The following PRPF8 variants were observed in gnomAD, a reference collection of about 807,000 sequenced individuals.
PRPF8 encodes the protein pre-mRNA processing factor 8.
PRPF8 carries 64 observed loss-of-function variants against 285.9 expected under a neutral mutation model. The observed-to-expected ratio is 0.22, with a 90% CI of 0.18 to 0.28. The LOEUF is 0.28. Among genes scored for constraint, PRPF8 ranks in the 10% least tolerant of loss-of-function variants. The pLI, the probability that PRPF8 is intolerant of heterozygous loss-of-function variation, is 1.00. For missense variants in PRPF8, 1,426 were observed against 3,026.7 expected (o/e 0.47, Z 12.41); for synonymous variants, 1,325 against 1,118.2 (o/e 1.18, Z -3.69).
Position 1,682,018 on chromosome 17 carries a change from C to T in PRPF8, c.455G>A (p.Arg152His). ...ATGCCTCCTATCTCTTTTTTCTCGG[C>T]GCATCATAATCCACATTGACCTGGA... ...SQWGSMWIMM[R>H]REKRDRRHFK... is the part of the protein sequence containing the mutation. The change falls in exon 5 of 43, where the codon CGC becomes CAC. Residue 152 changes from arginine (R) to histidine (H), a missense_variant. Arg to His is a conservative substitution (Grantham distance 29). Transcript: ENST00000304992. 6.2e-7 allele frequency: 1 copy of T among 1,613,922 alleles called. No individual in the cohort carries two copies. The highest frequency in any genetic ancestry group is 8.5e-7 in the Non-Finnish European group (1 of 1,179,996).
intron 14 of PRPF8, 100 bp downstream of exon 14, chr17:1,677,465 T>G: frequency 6.4e-7 from 1 of 1,555,400 alleles, no homozygotes; most frequent in Non-Finnish European, 8.9e-7. Flanking sequence ...GGCAATCCAG[T>G]AGGAAGAGTG....
At chr17:1,666,742 T>C (rs1239097883) in intron 24 of PRPF8, among the ~76,000 whole-genome samples, 2 of 152,092 alleles carry the variant, frequency 1.3e-5, no homozygotes, top group Non-Finnish European at 1.5e-5. Context: ...GGAGTTACTA[T>C]AGTAATCTGC....
At chr17:1,683,207 G>A (rs1424129241) in intron 3 of PRPF8, 1 of 375,150 alleles carries the variant, frequency 2.7e-6, no homozygotes, top group East Asian at 6.4e-5. Flanking sequence ...GTGTTAGCCA[G>A]GATGGTCTCG....
At position 1,655,216 on chromosome 17, in the gene PRPF8, C is replaced by G. The variant is rs1349614615; in HGVS notation, c.5987+134G>C. ...CAAATGATCTACCCACCTTGGCCTC[C>G]CAAAGTGCTGGGATTACAGGCATGA... On this transcript the variant is annotated intron_variant, in intron 37 of 42. Transcript: ENST00000304992. 4 of 999,424 alleles carry G rather than the reference C, an allele frequency of 4.0e-6. No homozygotes were observed. The African/African-American group carries it at 4.8e-5, about 12-fold the overall frequency. 61.9% of individuals were successfully genotyped at this position (999,424 alleles called of 1,614,324 possible).
intron 36 of PRPF8, among the ~76,000 whole-genome samples, chr17:1,655,904 C>T (rs1449590342): frequency 2.0e-5 from 3 of 147,908 alleles, no homozygotes; most frequent in East Asian, 2.0e-4. Context: ...GGATTACAGG[C>T]GTGAGCCACT....
rs1354631444 is a variant in PRPF8 at position 1,673,705 on chromosome 17, C to T, written c.3446+41G>A. 3.1e-6 allele frequency: 5 copies of T among 1,613,366 alleles called. No individual in the cohort carries two copies. Among genetic ancestry groups the T allele is most frequent in the Non-Finnish European group, 4.2e-6 (5 of 1,179,974 alleles). ...AGGTATGCCCTCTCTGGGCCCTTAGCTTATGTCCTTCCAGCTCACACAGCC... is the reference window on the plus strand; with the variant it reads ...AGGTATGCCCTCTCTGGGCCCTTAGTTTATGTCCTTCCAGCTCACACAGCC... On this transcript the variant is annotated intron_variant, in intron 22 of 42. Coordinates refer to ENST00000304992, the MANE Select transcript of PRPF8 (RefSeq NM_006445.4). The surrounding 1 kb of genome is among the most constrained non-coding windows in gnomAD (Gnocchi z 5.5).
Position 1,659,667 on chromosome 17 carries a change from G to A in PRPF8, c.4947-119C>T, listed in dbSNP as rs370458342. 34 of 1,399,612 alleles carry A rather than the reference G, an allele frequency of 2.4e-5. No homozygotes were observed. The highest frequency in any genetic ancestry group is 2.3e-4 in the African/African-American group (16 of 70,528). The allele number at this position is 1,399,612 out of a possible 1,614,324, so 86.7% of individuals were successfully genotyped here. ...CACTCCACCAACTTGTTCCAGGTCAGCAGGACCCCAGAGAATCAGCAGATC... is the reference window on the plus strand; with the variant it reads ...CACTCCACCAACTTGTTCCAGGTCAACAGGACCCCAGAGAATCAGCAGATC... On this transcript the variant is annotated intron_variant, in intron 31 of 42. Transcript: ENST00000304992. This position sits in a 1 kb window ranked among gnomAD's most constrained non-coding sequence, Gnocchi z 5.1.
In PRPF8 at chr17:1,677,078, A is replaced by G. The variant is rs759523675; in HGVS notation, c.2079T>C (p.Ile693=). Residue 693 remains isoleucine, a synonymous_variant, in exon 15 of 43, where the codon ATT becomes ATC. Transcript: ENST00000304992. Reference sequence around the variant, plus strand: ...TGATCCCCTCAGGCATCATGTCCAGAATATCATGCATCACAGCTGCCCGCA... The same window carrying G: ...TGATCCCCTCAGGCATCATGTCCAGGATATCATGCATCACAGCTGCCCGCA... The part of the protein sequence containing the change: ...LELRAAVMHD[I]LDMMPEGIKQ... 1.2e-6 allele frequency: 2 copies of G among 1,613,914 alleles called. No homozygotes were observed. Among genetic ancestry groups the G allele is most frequent in the African/African-American group, 1.3e-5 (1 of 74,958 alleles).
At chr17:1,684,443 C>G (rs768579259) in intron 2 of PRPF8, 29 bp downstream of exon 2, 22 of 1,611,384 alleles carry the variant, frequency 1.4e-5, no homozygotes, top group Non-Finnish European at 1.7e-5. Context: ...CGCCTCCGGC[C>G]CGCGCGCCGC....
rs1336321770 is a variant in PRPF8 at position 1,661,548 on chromosome 17, C to T, written c.4202+63G>A. The T allele has an allele frequency of 3.1e-6, 5 of 1,610,386 alleles. No individual in the cohort carries two copies. Among genetic ancestry groups the T allele is most frequent in the African/African-American group, 2.7e-5 (2 of 74,878 alleles). ...CATGGCATGCTCTGACCCTGAACTCCACACGGTTCAAAGGCCACCACTGCC... is the reference window on the plus strand; with the variant it reads ...CATGGCATGCTCTGACCCTGAACTCTACACGGTTCAAAGGCCACCACTGCC... On this transcript the variant is annotated intron_variant, in intron 26 of 42. Transcript: ENST00000304992. The surrounding 1 kb of genome is among the most constrained non-coding windows in gnomAD (Gnocchi z 7.3).
chr17:1,658,821 GA>G lies in PRPF8; in HGVS notation c.5139-59del. 1 of 1,455,652 alleles carries G rather than the reference GA, an allele frequency of 6.9e-7. No individual in the cohort carries two copies. Among genetic ancestry groups the G allele is most frequent in the Non-Finnish European group, 9.7e-7 (1 of 1,036,118 alleles). The allele number at this position is 1,455,652 out of a possible 1,614,324, so 90.2% of individuals were successfully genotyped here. ...ACGAGAATGACAGCCCCAGAAACAA[GA>G]CAAGCTGCCAACTCTACAGAGGAAG... is the stretch of plus-strand genomic sequence containing the variant. On this transcript the variant is annotated intron_variant, in intron 32 of 42. Transcript: ENST00000304992. This position sits in a 1 kb window ranked among gnomAD's most constrained non-coding sequence, Gnocchi z 4.1.
chr17:1,673,021 T>A lies in PRPF8; in HGVS notation c.3774+60A>T. On this transcript the variant is annotated intron_variant, in intron 24 of 42. Coordinates refer to ENST00000304992, the MANE Select transcript of PRPF8 (RefSeq NM_006445.4). The surrounding 1 kb of genome is among the most constrained non-coding windows in gnomAD (Gnocchi z 5.5). The stretch of plus-strand genomic sequence containing the variant: ...CCAGCAGGGGACGAAGTGAAAGGGG[T>A]GTGAAATGAGCAGAGGACAGCAGAG... 6.8e-7 allele frequency: 1 copy of A among 1,463,188 alleles called. No homozygotes were observed. The allele number at this position is 1,463,188 out of a possible 1,614,324, so 90.6% of individuals were successfully genotyped here.
chr17:1,679,343 A>G lies in PRPF8; in HGVS notation c.1357T>C (p.Tyr453His). Residue 453 changes from tyrosine (Y) to histidine (H), a missense_variant, in exon 10 of 43, where the codon TAC becomes CAC. Physicochemically the swap from Tyr to His is moderately conservative, Grantham distance 83. Around this residue, in one of 34 missense-constraint regions of PRPF8, gnomAD observed 137 missense variants for 161.2 expected, o/e 0.85. Coordinates refer to ENST00000304992, the MANE Select transcript of PRPF8 (RefSeq NM_006445.4). This position sits in a 1 kb window ranked among gnomAD's most constrained non-coding sequence, Gnocchi z 4.7. ...TGCTTCAGGGCATTCAGCACATAGT[A>G]CTTAAGCAGCTTCTGGTAGGAGACC... is the stretch of plus-strand genomic sequence containing the variant. ...VRVSYQKLLK[Y>H]YVLNALKHRP... 1 of 1,614,042 alleles carries G rather than the reference A, an allele frequency of 6.2e-7. No homozygotes were observed. Among genetic ancestry groups the G allele is most frequent in the Non-Finnish European group, 8.5e-7 (1 of 1,180,024 alleles).
At position 1,678,785 on chromosome 17, in the gene PRPF8, G is replaced by A. The variant is rs1211240456; in HGVS notation, c.1696C>T (p.Leu566=). The change falls in exon 12 of 43, where the codon CTG becomes TTG. Residue 566 remains leucine, a synonymous_variant. Coordinates refer to ENST00000304992, the MANE Select transcript of PRPF8 (RefSeq NM_006445.4). ...ACCTGGAAGGCATCCACATTGCCCA[G>A]CCGATACTGCACGTGACTATCCACC... ...LVVDSHVQYR[L]GNVDAFQLAD... 2.5e-6 allele frequency: 4 copies of A among 1,613,948 alleles called. No homozygotes were observed. The highest frequency in any genetic ancestry group is 3.4e-6 in the Non-Finnish European group (4 of 1,180,040).
intron 24 of PRPF8, among the ~76,000 whole-genome samples, chr17:1,672,178 G>A (rs140267652): frequency 4.1e-4 from 62 of 152,294 alleles, no homozygotes; most frequent in Non-Finnish European, 7.1e-4. Flanking sequence ...AACATTCTGC[G>A]CATGCAAATG....
chr17:1,673,989 C>CT lies in PRPF8; in HGVS notation c.3300-98dup. On this transcript the variant is annotated intron_variant, in intron 21 of 42. Coordinates refer to ENST00000304992, the MANE Select transcript of PRPF8 (RefSeq NM_006445.4). The surrounding 1 kb of genome is among the most constrained non-coding windows in gnomAD (Gnocchi z 5.5). The stretch of plus-strand genomic sequence containing the variant: ...CAATAGACGGAGACCCCACCCCATC[C>CT]TACCCCCACCCTCCCCGGGCTTCAT... 2 of 1,343,672 alleles carry CT rather than the reference C, an allele frequency of 1.5e-6. No homozygotes were observed. Among genetic ancestry groups the CT allele is most frequent in the Middle Eastern group, 5.1e-4 (2 of 3,952 alleles). 83.2% of individuals were successfully genotyped at this position (1,343,672 alleles called of 1,614,324 possible).
In PRPF8 at chr17:1,676,096, G is replaced by T. The variant is rs749181331; in HGVS notation, c.2553-42C>A. 1 of 1,612,368 alleles carries T rather than the reference G, an allele frequency of 6.2e-7. No individual in the cohort carries two copies. The highest frequency in any genetic ancestry group is 1.1e-5 in the South Asian group (1 of 91,004). ...GAAGGGTGAATGGGAAAACTAGGAG[G>T]AAGTAAAACCAGGAAAGACTGGGGC... On this transcript the variant is annotated intron_variant, in intron 17 of 42. Transcript: ENST00000304992. The surrounding 1 kb of genome is among the most constrained non-coding windows in gnomAD (Gnocchi z 6.3).
chr17:1,657,722 GGAGGCA>G (rs71962917), intron 34 of PRPF8, among the ~76,000 whole-genome samples: 29,195 of 149,392 alleles, frequency 0.2, 6,087 homozygotes, highest in African/African-American at 0.53. Flanking sequence ...GAGCACTTTG[GGAGGCA>G]GAGGCAGAGG....
chr17:1,655,453 T>A lies in PRPF8; in HGVS notation c.5884A>T (p.Thr1962Ser). ...GTGGGCCAGATGTGGTGTGGTTCTG[T>A]AATAGTAGTCTTGTCTGGCTTCAGG... is the stretch of plus-strand genomic sequence containing the variant. ...VILKPDKTTI[T>S]EPHHIWPTLT... Residue 1962 changes from threonine (T) to serine (S), a missense_variant, in exon 37 of 43, where the codon ACA (threonine) becomes TCA (serine). Around this residue, in one of 34 missense-constraint regions of PRPF8, gnomAD observed 35 missense variants for 47.7 expected, o/e 0.73. Coordinates refer to ENST00000304992, the MANE Select transcript of PRPF8 (RefSeq NM_006445.4). 6.2e-7 allele frequency: 1 copy of A among 1,614,028 alleles called. No homozygotes were observed. The highest frequency in any genetic ancestry group is 8.5e-7 in the Non-Finnish European group (1 of 1,179,988).
Sources: gnomAD v4.1 joint callset for allele counts (sites outside exome capture counted in the v4.1 genomes callset) on GRCh38, gnomAD v4.1.1 for gene constraint, gnomAD v4.1.1 regional missense constraint, Gnocchi (gnomAD v3.1) non-coding constraint, MANE v1.5 for transcripts, NCBI Gene and HGNC (gene_info 2026-07-23, HGNC 2026-07-21) for gene names.